Variants in NET1 observed in about 807,000 individuals in gnomAD.
NET1 encodes neuroepithelial cell-transforming gene 1 protein.
Under a neutral mutation model 61.1 loss-of-function variants are expected in NET1, and 42 were observed. That is an observed-to-expected ratio of 0.69 (90% confidence interval 0.54 to 0.89). The LOEUF (loss-of-function observed/expected upper bound fraction) is 0.89, where lower values mean the gene tolerates loss of function less well. Ranked by LOEUF, NET1 falls within the 40% of genes least tolerant of loss-of-function variation. The probability of loss-of-function intolerance (pLI) is 0.00; values close to 1 mark genes in which losing one functional copy is unlikely to be tolerated. For synonymous variants in NET1, 254 were observed against 281.8 expected (o/e 0.90, Z 0.99); for missense variants, 654 against 747.3 (o/e 0.88, Z 1.46).
chr10:5,442,247 C>T (rs544855459), intron 3 of NET1, among the ~76,000 whole-genome samples: 5 of 152,136 alleles, frequency 3.3e-5, no homozygotes, highest in Admixed American at 6.5e-5. Context: ...CACAATATCT[C>T]GTGTAGAGGG....
intron 3 of NET1, among the ~76,000 whole-genome samples, chr10:5,430,119 A>C (rs961101913): frequency 6.6e-6 from 1 of 152,180 alleles, no homozygotes; most frequent in Non-Finnish European, 1.5e-5. Context: ...TTTGCAAAAC[A>C]GTTTTAGTTG....
At position 5,443,122 on chromosome 10, in the gene NET1, A is replaced by C. The variant is rs180681077; in HGVS notation, c.256-8708A>C. Among the ~76,000 whole-genome samples, 367 of 151,480 alleles carry C rather than the reference A, an allele frequency of 2.4e-3. 1 individual carries two copies. The highest frequency in any genetic ancestry group is 8.5e-3 in the African/African-American group (352 of 41,498). ...TACTGTTAACTTAGGTCACTAACATATACTGAGCACCTAGTGTGTCTCAGA... is the reference window on the plus strand; with the variant it reads ...TACTGTTAACTTAGGTCACTAACATCTACTGAGCACCTAGTGTGTCTCAGA... On this transcript the variant is annotated intron_variant, in intron 3 of 11. Transcript: ENST00000355029. This position sits in a 1 kb window ranked among gnomAD's most constrained non-coding sequence, Gnocchi z 4.8.
At chr10:5,413,376 T>C (rs1292743918) in intron 1 of NET1, among the ~76,000 whole-genome samples, 1 of 152,230 alleles carries the variant, frequency 6.6e-6, no homozygotes, top group Non-Finnish European at 1.5e-5. Flanking sequence ...GGATATGTTA[T>C]GAGATGCCTA....
rs1387681689 is a variant in NET1 at position 5,455,553 on chromosome 10, T to C, written c.1197+435T>C. Among the ~76,000 whole-genome samples the C allele has an allele frequency of 6.6e-6, 1 of 152,266 alleles. No individual in the cohort carries two copies. Among genetic ancestry groups the C allele is most frequent in the Non-Finnish European group, 1.5e-5 (1 of 68,046 alleles). Reference sequence around the variant, plus strand: ...TATAAAAGTACCTGCTAGAACTAAGTGCAGTCACGGAATGGTATTTTTGTT... The same window carrying C: ...TATAAAAGTACCTGCTAGAACTAAGCGCAGTCACGGAATGGTATTTTTGTT... On this transcript the variant is annotated intron_variant, in intron 10 of 11. Coordinates refer to ENST00000355029, the MANE Select transcript of NET1 (RefSeq NM_001047160.3). This position sits in a 1 kb window ranked among gnomAD's most constrained non-coding sequence, Gnocchi z 6.5.
At position 5,453,451 on chromosome 10, in the gene NET1, G is replaced by T. The variant is rs770871894; in HGVS notation, c.692-33G>T. ...GCTGACCTATTTTTTAAATAAACCT[G>T]TTAATGGTGTTTATGCTTTTTTATC... On this transcript the variant is annotated intron_variant, in intron 7 of 11. Transcript: ENST00000355029. This position sits in a 1 kb window ranked among gnomAD's most constrained non-coding sequence, Gnocchi z 4.9. 5 of 1,607,500 alleles carry T rather than the reference G, an allele frequency of 3.1e-6. No homozygotes were observed. The highest frequency in any genetic ancestry group is 4.3e-6 in the Non-Finnish European group (5 of 1,173,958).
At position 5,449,382 on chromosome 10, in the gene NET1, T is replaced by C. The variant is rs1832669302; in HGVS notation, c.256-2448T>C. Among the ~76,000 whole-genome samples the C allele has an allele frequency of 6.6e-6, 1 of 152,156 alleles. No homozygotes were observed. Among genetic ancestry groups the C allele is most frequent in the African/African-American group, 2.4e-5 (1 of 41,420 alleles). ...TCCTTTCTCTCCCTCTCCCAACCTGTATTTCCTGAGTAAGCATCATACTTC... is the reference window on the plus strand; with the variant it reads ...TCCTTTCTCTCCCTCTCCCAACCTGCATTTCCTGAGTAAGCATCATACTTC... On this transcript the variant is annotated intron_variant, in intron 3 of 11. Transcript: ENST00000355029. The surrounding 1 kb of genome is among the most constrained non-coding windows in gnomAD (Gnocchi z 4.4).
intron 1 of NET1, among the ~76,000 whole-genome samples, chr10:5,414,687 C>T (rs1164048442): frequency 6.6e-6 from 1 of 152,142 alleles, no homozygotes; most frequent in Non-Finnish European, 1.5e-5. Context: ...AGAATAAATT[C>T]CCTTGATGTG....
intron 3 of NET1, among the ~76,000 whole-genome samples, chr10:5,448,040 A>G (rs1011120357): frequency 3.9e-5 from 6 of 152,220 alleles, no homozygotes; most frequent in Non-Finnish European, 5.9e-5. Flanking sequence ...TAGAAAAGGA[A>G]TTCATCCCAT....
At chr10:5,434,064 G>A (rs77779452) in intron 3 of NET1, among the ~76,000 whole-genome samples, 95 of 152,156 alleles carry the variant, frequency 6.2e-4, no homozygotes, top group Middle Eastern at 3.4e-3. Context: ...TTCTACTCCA[G>A]TCTGTGTTTC....
rs1226066671 is a variant in NET1 at position 5,456,201 on chromosome 10, C to A, written c.1312C>A (p.Leu438Ile). ...GCCAATCCCAGTCCAAGAGCTAGTC[C>A]TAGAAGACCTGCAGGATGGAGATGT... is the stretch of plus-strand genomic sequence containing the variant. ...RQPIPVQELVLEDLQDGDVRM... is the reference protein window; with the variant it reads ...RQPIPVQELVIEDLQDGDVRM... Residue 438 changes from leucine (L) to isoleucine (I), a missense_variant, in exon 11 of 12, where the codon CTA becomes ATA. Coordinates refer to ENST00000355029, the MANE Select transcript of NET1 (RefSeq NM_001047160.3). The surrounding 1 kb of genome is among the most constrained non-coding windows in gnomAD (Gnocchi z 7.0). 10 of 1,614,216 alleles carry A rather than the reference C, an allele frequency of 6.2e-6. No individual in the cohort carries two copies. The highest frequency in any genetic ancestry group is 8.5e-6 in the Non-Finnish European group (10 of 1,180,030).
rs1269940828 is a variant in NET1, at chr10:5,458,845, A to C, written c.*1851A>C. 6.6e-6 allele frequency among the ~76,000 whole-genome samples: 1 copy of C among 152,230 alleles called. No homozygotes were observed. Among genetic ancestry groups the C allele is most frequent in the Non-Finnish European group, 1.5e-5 (1 of 68,044 alleles). ...ATTGTGATCTGCAACACCAGAAAGC[A>C]AGATTTCTAATCATTTCCAGAGGTG... On this transcript the variant is annotated 3_prime_UTR_variant, in exon 12 of 12. Coordinates refer to ENST00000355029, the MANE Select transcript of NET1 (RefSeq NM_001047160.3). The surrounding 1 kb of genome is among the most constrained non-coding windows in gnomAD (Gnocchi z 4.5).
rs910354497 is a variant in NET1, at chr10:5,435,442, G to C, written c.255+6213G>C. Among the ~76,000 whole-genome samples the C allele has an allele frequency of 1.3e-5, 2 of 151,818 alleles. No individual in the cohort carries two copies. Among genetic ancestry groups the C allele is most frequent in the African/African-American group, 4.8e-5 (2 of 41,266 alleles). ...TACAATTATTTGATGCCTGTTGCTA[G>C]GAGCCATTCTACTTTATATGCCTCC... On this transcript the variant is annotated intron_variant, in intron 3 of 11. Transcript: ENST00000355029. This position sits in a 1 kb window ranked among gnomAD's most constrained non-coding sequence, Gnocchi z 5.0.
chr10:5,429,463 T>C (rs1212328738), intron 3 of NET1, among the ~76,000 whole-genome samples: 1 of 152,224 alleles, frequency 6.6e-6, no homozygotes, highest in Non-Finnish European at 1.5e-5. Context: ...CTATAACTAC[T>C]GATCACAAAC....
chr10:5,448,642 AT>A (rs55651423), intron 3 of NET1, among the ~76,000 whole-genome samples: 144,728 of 148,206 alleles, frequency 0.98, 70,761 homozygotes, highest in East Asian at 1. Context: ...GCTTGTTGGC[AT>A]TTTTTTGTTT....
At position 5,427,509 on chromosome 10, in the gene NET1, T is replaced by C. The variant is rs916291830; in HGVS notation, c.195+788T>C. Among the ~76,000 whole-genome samples the C allele has an allele frequency of 6.6e-6, 1 of 152,176 alleles. No individual in the cohort carries two copies. Among genetic ancestry groups the C allele is most frequent in the Admixed American group, 6.5e-5 (1 of 15,272 alleles). On this transcript the variant is annotated intron_variant, in intron 2 of 11. Coordinates refer to ENST00000355029, the MANE Select transcript of NET1 (RefSeq NM_001047160.3). The surrounding 1 kb of genome is among the most constrained non-coding windows in gnomAD (Gnocchi z 4.1). ...CCATATGTATCCTTCTATATTTTGC[T>C]CATATCATTAATATACACAAAGAGG...
rs1233538191 is a variant in NET1 at position 5,440,293 on chromosome 10, A to G, written c.255+11064A>G. Among the ~76,000 whole-genome samples the G allele has an allele frequency of 6.6e-6, 1 of 152,214 alleles. No homozygotes were observed. The highest frequency in any genetic ancestry group is 1.5e-5 in the Non-Finnish European group (1 of 68,030). ...CCCACCTAAAAGCAAACTACTTTTG[A>G]CCCTTCTTACTAATGAGGATTGAAA... On this transcript the variant is annotated intron_variant, in intron 3 of 11. Transcript: ENST00000355029. The surrounding 1 kb of genome is among the most constrained non-coding windows in gnomAD (Gnocchi z 4.1).
Position 5,426,667 on chromosome 10 carries a change from G to A in NET1, c.141G>A (p.Arg47=). Residue 47 remains arginine (R), a synonymous_variant, in exon 2 of 12, where the codon CGG becomes CGA. Coordinates refer to ENST00000355029, the MANE Select transcript of NET1 (RefSeq NM_001047160.3). The surrounding 1 kb of genome is among the most constrained non-coding windows in gnomAD (Gnocchi z 4.6). ...TTTCCATTAATAGATGTTCCCTTCG[G>A]AGAGGCAGCTCCTTCACATTCTTAA... ...GSELDGRCSL[R]RGSSFTFLTP... The A allele has an allele frequency of 6.2e-7, 1 of 1,606,506 alleles. No individual in the cohort carries two copies. Among genetic ancestry groups the A allele is most frequent in the Non-Finnish European group, 8.5e-7 (1 of 1,176,590 alleles).
At position 5,447,367 on chromosome 10, in the gene NET1, A is replaced by T. The variant is rs1588437039; in HGVS notation, c.256-4463A>T. Among the ~76,000 whole-genome samples the T allele has an allele frequency of 6.6e-6, 1 of 152,014 alleles. No individual in the cohort carries two copies. The highest frequency in any genetic ancestry group is 1.9e-4 in the East Asian group (1 of 5,194). Reference sequence around the variant, plus strand: ...GCATGTTAGAATATTTAAACCAGTGACTCATTATTTTTACCCTCCTTGCTT... The same window carrying T: ...GCATGTTAGAATATTTAAACCAGTGTCTCATTATTTTTACCCTCCTTGCTT... On this transcript the variant is annotated intron_variant, in intron 3 of 11. Coordinates refer to ENST00000355029, the MANE Select transcript of NET1 (RefSeq NM_001047160.3). The surrounding 1 kb of genome is among the most constrained non-coding windows in gnomAD (Gnocchi z 4.1).
In NET1 at chr10:5,436,248, ATTTTTTTT is replaced by A. The variant is rs1190534260; in HGVS notation, c.255+7039_255+7046del. Among the ~76,000 whole-genome samples, 182 of 18,414 alleles carry A rather than the reference ATTTTTTTT, an allele frequency of 9.9e-3. 2 individuals are homozygous for A. The highest frequency in any genetic ancestry group is 0.03 in the East Asian group (16 of 532). 12.1% of individuals were successfully genotyped at this position (18,414 alleles called of 152,430 possible). ...TGCATATATATATATATATATATAT[ATTTTTTTT>A]TTTTTTTTTTTTTTTTTTTAATGTG... On this transcript the variant is annotated intron_variant, in intron 3 of 11. Coordinates refer to ENST00000355029, the MANE Select transcript of NET1 (RefSeq NM_001047160.3).
Sources: allele counts gnomAD v4.1 joint callset (sites outside exome capture counted in the v4.1 genomes callset), GRCh38; gene constraint gnomAD v4.1.1; non-coding constraint Gnocchi (gnomAD v3.1); transcripts MANE v1.5; gene names NCBI Gene and HGNC (gene_info 2026-07-23, HGNC 2026-07-21).